Variants in PRIMPOL observed in about 807,000 individuals in gnomAD.
PRIMPOL encodes the protein primase and DNA directed polymerase.
In PRIMPOL, 54 loss-of-function variants were observed where a neutral mutation model predicts 63.6. The ratio of observed to expected loss-of-function variants is 0.85; its 90% CI spans 0.68 to 1.07. The LOEUF (loss-of-function observed/expected upper bound fraction) is 1.07. Ranked by LOEUF, PRIMPOL falls within the 50% of genes least tolerant of loss-of-function variation. PRIMPOL has a pLI of 0.00. For synonymous variants in PRIMPOL, 197 were observed against 220.2 expected (o/e 0.89, Z 0.93); for missense variants, 610 against 648.3 (o/e 0.94, Z 0.64).
At chr4:184,651,290 C>CAAAA (rs1203681677) in intron 1 of PRIMPOL, among the ~76,000 whole-genome samples, 2 of 143,932 alleles carry the variant, frequency 1.4e-5, no homozygotes, top group African/African-American at 5.7e-5. Flanking sequence ...GACTCTGTCT[C>CAAAA]AAAAAAAAGA....
chr4:184,660,048 T>A (rs1278633903), intron 4 of PRIMPOL, among the ~76,000 whole-genome samples: 1 of 152,012 alleles, frequency 6.6e-6, no homozygotes, highest in Non-Finnish European at 1.5e-5. Context: ...CTTGAACTCC[T>A]GACCTCAGGT....
intron 7 of PRIMPOL, among the ~76,000 whole-genome samples, chr4:184,677,222 A>G (rs990747521): frequency 6.6e-6 from 1 of 151,762 alleles, no homozygotes; most frequent in South Asian, 2.1e-4. Context: ...GTGGCCTCCC[A>G]TAATGCTGGG....
At position 184,694,551 on chromosome 4, in the gene PRIMPOL, T is replaced by A. The variant is rs746562224; in HGVS notation, c.1455T>A (p.Asp485Glu). ...AAGAGTTTACAACAGATGAAGCAGA[T>A]GAAACTAGGAGCAATGAAACCCAGA... ...EEEEFTTDEA[D>E]ETRSNETQNP... The change falls in exon 14 of 14, where the codon GAT becomes GAA. Residue 485 changes from aspartate to glutamate, a missense_variant. This residue lies in a region of PRIMPOL where 444 missense variants were observed against 456.4 expected (regional missense o/e 0.97). Transcript: ENST00000314970. 1 of 1,612,660 alleles carries A rather than the reference T, an allele frequency of 6.2e-7. No individual in the cohort carries two copies. The highest frequency in any genetic ancestry group is 8.5e-7 in the Non-Finnish European group (1 of 1,179,846).
At chr4:184,685,732 A>G (rs775004333) in intron 11 of PRIMPOL, 48 bp downstream of exon 11, 1 of 783,738 alleles carries the variant, frequency 1.3e-6, no homozygotes, top group Non-Finnish European at 2.0e-6. Flanking sequence ...ATTATATTTT[A>G]AATATTTATA....
intron 5 of PRIMPOL, among the ~76,000 whole-genome samples, chr4:184,665,525 A>G (rs59030364): frequency 0.041 from 5,775 of 139,796 alleles, 408 homozygotes; most frequent in African/African-American, 0.15. Flanking sequence ...TTTTTTTGAG[A>G]TGGAGTCTCA....
At chr4:184,661,432 C>T (rs1409763071) in intron 4 of PRIMPOL, among the ~76,000 whole-genome samples, 3 of 152,106 alleles carry the variant, frequency 2.0e-5, no homozygotes, top group African/African-American at 4.8e-5. Flanking sequence ...AGAGGCTGGG[C>T]GTGGTGGCTC....
chr4:184,693,436 C>T (rs544385632), intron 13 of PRIMPOL, among the ~76,000 whole-genome samples: 15 of 152,302 alleles, frequency 9.8e-5, no homozygotes, highest in African/African-American at 3.6e-4. Flanking sequence ...AGTATTACCA[C>T]TACTTGGACA....
chr4:184,682,081 G>T (rs969126802), intron 8 of PRIMPOL, among the ~76,000 whole-genome samples, 167 bp from the exon 9 acceptor site: 1 of 152,034 alleles, frequency 6.6e-6, no homozygotes, highest in Non-Finnish European at 1.5e-5. Context: ...ATATGTGTAG[G>T]GTTTGTGGTT....
At chr4:184,685,733 A>C (rs1239865485) in intron 11 of PRIMPOL, 49 bp downstream of exon 11, 2 of 785,386 alleles carry the variant, frequency 2.5e-6, no homozygotes, top group African/African-American at 3.6e-5. Context: ...TTATATTTTA[A>C]ATATTTATAA....
intron 11 of PRIMPOL, among the ~76,000 whole-genome samples, chr4:184,688,792 AC>A (rs1757671941): frequency 6.6e-6 from 1 of 152,180 alleles, no homozygotes; most frequent in African/African-American, 2.4e-5. Context: ...GTAGGTAAGG[AC>A]TGAACTCCTA....
chr4:184,670,519 G>C (rs1751283162), intron 6 of PRIMPOL, among the ~76,000 whole-genome samples: 1 of 151,248 alleles, frequency 6.6e-6, no homozygotes, highest in Non-Finnish European at 1.5e-5. Flanking sequence ...TAAGAAATTG[G>C]ATTTGTTTCT....
intron 2 of PRIMPOL, among the ~76,000 whole-genome samples, chr4:184,654,669 G>T (rs1745772925): frequency 1.3e-5 from 2 of 151,944 alleles, no homozygotes; most frequent in Non-Finnish European, 2.9e-5. Context: ...AGCCAGGATG[G>T]TCTCGATCTC....
chr4:184,678,523 CTCT>C (rs1754702512), intron 8 of PRIMPOL, 129 bp downstream of exon 8: 4 of 539,064 alleles, frequency 7.4e-6, no homozygotes, highest in Non-Finnish European at 1.2e-5. Context: ...GTTCTTACAG[CTCT>C]TTTTTTTTTT....
chr4:184,654,679 C>T lies in PRIMPOL; in HGVS notation c.-59-2403C>T, dbSNP rs1353785513. ...GTGTTAGCCAGGATGGTCTCGATCT[C>T]CTGACCTTGTGATCCGCCTGCCTTG... On this transcript the variant is annotated intron_variant, in intron 2 of 13. Transcript: ENST00000314970. 2.0e-5 allele frequency among the ~76,000 whole-genome samples: 3 copies of T among 152,042 alleles called. No individual in the cohort carries two copies. The East Asian group carries it at 5.8e-4, about 29-fold the overall frequency.
At position 184,685,840 on chromosome 4, in the gene PRIMPOL, C is replaced by T. The variant is rs570292425; in HGVS notation, c.1295+156C>T. Reference sequence around the variant, plus strand: ...TTTCCAAGACGAAATCTTGCTCTGTCGCCCAGGCTGGAGTACAGTGGCGCG... The same window carrying T: ...TTTCCAAGACGAAATCTTGCTCTGTTGCCCAGGCTGGAGTACAGTGGCGCG... On this transcript the variant is annotated intron_variant, in intron 11 of 13. Transcript: ENST00000314970. Among the ~76,000 whole-genome samples, 8 of 151,890 alleles carry T rather than the reference C, an allele frequency of 5.3e-5. No homozygotes were observed. The East Asian group carries it at 7.7e-4, about 15-fold the overall frequency.
chr4:184,670,941 A>AT (rs1339234364), intron 6 of PRIMPOL, among the ~76,000 whole-genome samples: 2 of 152,196 alleles, frequency 1.3e-5, no homozygotes, highest in African/African-American at 4.8e-5. Flanking sequence ...TTTCTGGTAA[A>AT]TAAAGTGAAG....
chr4:184,657,457 G>A, intron 3 of PRIMPOL, 137 bp downstream of exon 3: 1 of 659,666 alleles, frequency 1.5e-6, no homozygotes, highest in Non-Finnish European at 2.4e-6. Flanking sequence ...ATTCTACCAA[G>A]AAAATTTAAT....
chr4:184,657,679 C>G (rs1376538089), intron 3 of PRIMPOL: 1 of 163,392 alleles, frequency 6.1e-6, no homozygotes, highest in Non-Finnish European at 1.3e-5. Flanking sequence ...GTCAGCCTTT[C>G]AAAGAACATG....
In PRIMPOL at chr4:184,657,104, G is replaced by A. The variant is rs199564366; in HGVS notation, c.-37G>A. 46 of 1,393,654 alleles carry A rather than the reference G, an allele frequency of 3.3e-5. No individual in the cohort carries two copies. The African/African-American group carries it at 3.8e-4, about 12-fold the overall frequency. 86.3% of individuals were successfully genotyped at this position (1,393,654 alleles called of 1,614,324 possible). ...TAGTAGTAATTGATAGAAATATTAC[G>A]TGGGATAGGATTTATTCTCTCCACA... On this transcript the variant is annotated 5_prime_UTR_variant, in exon 3 of 14. In the 5' UTR this introduces an upstream ATG that the reference lacks. Coordinates refer to ENST00000314970, the MANE Select transcript of PRIMPOL (RefSeq NM_152683.4).
Sources: gnomAD v4.1 joint callset for allele counts (sites outside exome capture counted in the v4.1 genomes callset) on GRCh38, gnomAD v4.1.1 for gene constraint, gnomAD v4.1.1 regional missense constraint, MANE v1.5 for transcripts, NCBI Gene and HGNC (gene_info 2026-07-23, HGNC 2026-07-21) for gene names.